SPAG9: variants seen among roughly 807,000 people sequenced by gnomAD.
The protein encoded by SPAG9 is sperm associated antigen 9.
SPAG9 carries 35 observed loss-of-function variants against 166.5 expected under a neutral mutation model. The ratio of observed to expected loss-of-function variants is 0.21; its 90% CI spans 0.16 to 0.28. The LOEUF is 0.28. Among genes scored for constraint, SPAG9 ranks in the 10% least tolerant of loss-of-function variants. SPAG9 has a pLI of 1.00. For synonymous variants in SPAG9, 534 were observed against 565.5 expected (o/e 0.94, Z 0.79); for missense variants, 1,235 against 1,603.3 (o/e 0.77, Z 3.92).
intron 12 of SPAG9, among the ~76,000 whole-genome samples, chr17:51,003,502 AG>A (rs1255688311): frequency 1.3e-5 from 2 of 152,206 alleles, no homozygotes; most frequent in East Asian, 3.8e-4. Context: ...CTAGTTACCA[AG>A]GTACTCAACT....
intron 1 of SPAG9, among the ~76,000 whole-genome samples, chr17:51,098,131 C>T (rs1041100209): frequency 2.6e-5 from 4 of 152,018 alleles, no homozygotes; most frequent in Non-Finnish European, 5.9e-5. Flanking sequence ...CCCTACCCCA[C>T]ATATTTGGTC....
intron 8 of SPAG9, among the ~76,000 whole-genome samples, chr17:51,017,612 G>A (rs2045757308): frequency 6.6e-6 from 1 of 152,060 alleles, no homozygotes; most frequent in Admixed American, 6.6e-5. Context: ...TCTGGGACAA[G>A]CTACTTTGAA....
intron 6 of SPAG9, among the ~76,000 whole-genome samples, chr17:51,024,659 G>C (rs556248599): frequency 6.6e-6 from 1 of 150,814 alleles, no homozygotes; most frequent in East Asian, 2.0e-4. Flanking sequence ...GTTGCAGTAA[G>C]CTGAGATTGC....
At chr17:51,032,906 C>G (rs368813449) in intron 5 of SPAG9, among the ~76,000 whole-genome samples, 7 of 151,962 alleles carry the variant, frequency 4.6e-5, no homozygotes, top group African/African-American at 1.7e-4. Context: ...TGCACTACAT[C>G]CTGGGCAACA....
rs1447372550 is a variant in SPAG9, at chr17:50,964,082, A to G, written c.*2190T>C. The G allele has an allele frequency of 6.6e-6, 1 of 152,214 alleles. No individual in the cohort carries two copies. Among genetic ancestry groups the G allele is most frequent in the Non-Finnish European group, 1.5e-5 (1 of 68,038 alleles). 9.4% of individuals were successfully genotyped at this position (152,214 alleles called of 1,614,324 possible). ...TGAAATCCCATGTACTTCACAATCT[A>G]GCCTAATCGTGTATATGCATAAAAG... On this transcript the variant is annotated 3_prime_UTR_variant, in exon 30 of 30. Coordinates refer to ENST00000262013, the MANE Select transcript of SPAG9 (RefSeq NM_001130528.3).
At chr17:50,978,494 T>C (rs1310146755) in intron 26 of SPAG9, among the ~76,000 whole-genome samples, 3 of 152,098 alleles carry the variant, frequency 2.0e-5, no homozygotes, top group Non-Finnish European at 4.4e-5. Context: ...GTGCTAAAGA[T>C]AGAGCAGGGA....
intron 2 of SPAG9, among the ~76,000 whole-genome samples, chr17:51,077,021 T>TCTAGCTATCTAG (rs1568065349): frequency 1.3e-5 from 1 of 76,122 alleles, no homozygotes; most frequent in South Asian, 3.5e-4. Flanking sequence ...TAGCTAGCTA[T>TCTAGCTATCTAG]CTAGCTATCT....
intron 1 of SPAG9, among the ~76,000 whole-genome samples, chr17:51,103,697 G>A (rs534844186): frequency 2.0e-5 from 3 of 152,280 alleles, no homozygotes; most frequent in African/African-American, 2.4e-5. Context: ...AAGCTGAAGT[G>A]AGAGGACCAC....
In SPAG9 at chr17:50,994,079, G is replaced by A. The variant is rs1975856447; in HGVS notation, c.2227-144C>T. On this transcript the variant is annotated intron_variant, in intron 18 of 29. Coordinates refer to ENST00000262013, the MANE Select transcript of SPAG9 (RefSeq NM_001130528.3). ...GGGTAAAAATACAACCACTGATGTG[G>A]TTTGGCTGCGTCCCTACCCAAAACT... is the stretch of plus-strand genomic sequence containing the variant. The A allele has an allele frequency of 6.4e-6, 5 of 785,622 alleles. No individual in the cohort carries two copies. The South Asian group carries it at 9.3e-5, about 15-fold the overall frequency. 48.7% of individuals were successfully genotyped at this position (785,622 alleles called of 1,614,324 possible).
chr17:50,998,426 A>G lies in SPAG9; in HGVS notation c.1838+18T>C. The G allele has an allele frequency of 6.2e-7, 1 of 1,603,714 alleles. No individual in the cohort carries two copies. Among genetic ancestry groups the G allele is most frequent in the African/African-American group, 1.3e-5 (1 of 74,472 alleles). The stretch of plus-strand genomic sequence containing the variant: ...TAACTTAATTTAGAATATAATGATT[A>G]ATTTGGAAAAGACTTACTCTTCACT... On this transcript the variant is annotated intron_variant, in intron 15 of 29. Coordinates refer to ENST00000262013, the MANE Select transcript of SPAG9 (RefSeq NM_001130528.3).
intron 19 of SPAG9, among the ~76,000 whole-genome samples, chr17:50,991,979 C>T (rs989555849): frequency 6.9e-6 from 1 of 143,922 alleles, no homozygotes; most frequent in Middle Eastern, 3.6e-3. Context: ...CTCCCATTGC[C>T]CAGGTGGGTG....
At chr17:51,056,359 G>T in intron 3 of SPAG9, 53 bp downstream of exon 3, 1 of 1,006,086 alleles carries the variant, frequency 9.9e-7, no homozygotes, top group South Asian at 1.4e-5. Flanking sequence ...ATTTTCTAAG[G>T]TTCATTTCTT....
intron 1 of SPAG9, among the ~76,000 whole-genome samples, chr17:51,113,293 C>T (rs1473476632): frequency 7.0e-6 from 1 of 142,304 alleles, no homozygotes; most frequent in Non-Finnish European, 1.5e-5. Flanking sequence ...GCGGAGGTTG[C>T]AGTGAGCTGA....
chr17:51,062,735 C>A (rs2047552508), intron 2 of SPAG9, among the ~76,000 whole-genome samples: 1 of 152,108 alleles, frequency 6.6e-6, no homozygotes, highest in South Asian at 2.1e-4. Context: ...GGACTACAGG[C>A]ACCCACCACC....
chr17:51,103,482 T>C (rs369119945), intron 1 of SPAG9, among the ~76,000 whole-genome samples: 1 of 152,172 alleles, frequency 6.6e-6, no homozygotes, highest in South Asian at 2.1e-4. Context: ...GGACAGCTTT[T>C]AGGAAGGCCT....
intron 1 of SPAG9, among the ~76,000 whole-genome samples, chr17:51,108,387 A>C (rs1598196990): frequency 2.8e-5 from 1 of 35,954 alleles, no homozygotes; most frequent in African/African-American, 8.5e-5. Flanking sequence ...AGACTGTCTC[A>C]AAAAAAAAAA....
chr17:51,091,865 A>G (rs1027000438), intron 1 of SPAG9, among the ~76,000 whole-genome samples: 2 of 152,074 alleles, frequency 1.3e-5, no homozygotes, highest in Non-Finnish European at 2.9e-5. Flanking sequence ...GGATCTAAAA[A>G]GAGTAAGCTT....
At chr17:51,053,469 G>A (rs1322533175) in intron 3 of SPAG9, among the ~76,000 whole-genome samples, 2 of 152,028 alleles carry the variant, frequency 1.3e-5, no homozygotes, top group Admixed American at 6.5e-5. Flanking sequence ...GATGGATCAC[G>A]AGGTCAGAAG....
At chr17:51,040,306 A>T (rs955826424) in intron 5 of SPAG9, 3 of 152,162 alleles carry the variant, frequency 2.0e-5, no homozygotes, top group Non-Finnish European at 4.4e-5. Flanking sequence ...CTGTGGGCTA[A>T]TACTGAGCAC....
Sources: gnomAD v4.1 joint callset for allele counts (sites outside exome capture counted in the v4.1 genomes callset) on GRCh38, gnomAD v4.1.1 for gene constraint, MANE v1.5 for transcripts, NCBI Gene and HGNC (gene_info 2026-07-23, HGNC 2026-07-21) for gene names.